ARK2C: variants seen among roughly 807,000 people sequenced by gnomAD.
ARK2C encodes the protein arkadia (RNF111) C-terminal like ring finger ubiquitin ligase 2C.
chr18:46,334,692 GTGTGT>G, the ARK2C span: 1 of 308,312 alleles, frequency 3.2e-6, no homozygotes, highest in African/African-American at 2.8e-5. This position sits in a 1 kb window ranked among gnomAD's most constrained non-coding sequence, Gnocchi z 4.4. Context: ...GTGTGTGTGT[GTGTGT>G]GTGTGTGTGT....
At chr18:46,435,029 C>T in the ARK2C span, among the ~76,000 whole-genome samples, 4 of 152,146 alleles carry the variant, frequency 2.6e-5, no homozygotes, top group Admixed American at 2.6e-4. Context: ...CTACCACAGA[C>T]ACACCAAGGG....
chr18:46,377,513 G>T, the ARK2C span, among the ~76,000 whole-genome samples: 3 of 152,190 alleles, frequency 2.0e-5, no homozygotes, highest in Non-Finnish European at 4.4e-5. Context: ...GATTTTCCTG[G>T]AGGAAGCAGT....
At chr18:46,373,983 T>A in the ARK2C span, among the ~76,000 whole-genome samples, 1 of 151,952 alleles carries the variant, frequency 6.6e-6, no homozygotes, top group East Asian at 1.9e-4. Flanking sequence ...GTGGTTCCCA[T>A]GGTAAACCCA....
chr18:46,407,885 C>T, the ARK2C span, among the ~76,000 whole-genome samples: 1 of 152,214 alleles, frequency 6.6e-6, no homozygotes, highest in African/African-American at 2.4e-5. Context: ...GAGAACCTGG[C>T]ATACTGAGAA....
the ARK2C span, chr18:46,458,253 C>G: frequency 6.6e-6 from 1 of 152,624 alleles, no homozygotes; most frequent in Non-Finnish European, 1.5e-5. Context: ...CCAAAGGGAG[C>G]AGAGAGATAA....
At chr18:46,447,519 T>A in the ARK2C span, 1 of 1,613,150 alleles carries the variant, frequency 6.2e-7, no homozygotes, top group South Asian at 1.1e-5. Flanking sequence ...CTAACCTGGC[T>A]AAATCACACC....
chr18:46,371,985 C>G, the ARK2C span, among the ~76,000 whole-genome samples: 2 of 152,240 alleles, frequency 1.3e-5, no homozygotes, highest in African/African-American at 4.8e-5. Flanking sequence ...GGTCCCATGT[C>G]ACTTCCGAGA....
chr18:46,350,463 G>A, the ARK2C span, among the ~76,000 whole-genome samples: 23 of 152,346 alleles, frequency 1.5e-4, no homozygotes, highest in Admixed American at 1.4e-3. Flanking sequence ...GAGCATGAGA[G>A]AAGGGAGCGC....
At chr18:46,405,757 TGTGAGCCATCCAGGCAAAGAATTTCTTA>T in the ARK2C span, among the ~76,000 whole-genome samples, 286 of 152,206 alleles carry the variant, frequency 1.9e-3, 1 homozygote, top group Non-Finnish European at 1.3e-4. Context: ...ATGATGTCTA[TGTGAGCCATCCAGGCAAAGAATTTCTTA>T]AGGTCTGGGG....
At chr18:46,349,353 G>C in the ARK2C span, among the ~76,000 whole-genome samples, 586 of 152,232 alleles carry the variant, frequency 3.8e-3, 6 homozygotes, top group African/African-American at 0.014. Flanking sequence ...CATGGCAGAT[G>C]GTGAGAGGGA....
At chr18:46,347,175 G>C in the ARK2C span, among the ~76,000 whole-genome samples, 1 of 152,202 alleles carries the variant, frequency 6.6e-6, no homozygotes, top group Non-Finnish European at 1.5e-5. Flanking sequence ...GGGAGTGATC[G>C]GGTCAGCCCT....
the ARK2C span, chr18:46,456,639 G>T: frequency 6.2e-7 from 1 of 1,602,230 alleles, no homozygotes; most frequent in Non-Finnish European, 8.6e-7. Flanking sequence ...ACAGCTGAGG[G>T]AGGAATTAGC....
chr18:46,347,120 T>A, the ARK2C span, among the ~76,000 whole-genome samples: 1 of 152,184 alleles, frequency 6.6e-6, no homozygotes, highest in African/African-American at 2.4e-5. Context: ...GAGGCAGGAC[T>A]GGAGCTGTTC....
the ARK2C span, among the ~76,000 whole-genome samples, chr18:46,425,304 G>T: frequency 6.6e-6 from 1 of 152,324 alleles, no homozygotes; most frequent in African/African-American, 2.4e-5. Flanking sequence ...GCTGGCTCTG[G>T]TCAGCTGGCA....
At chr18:46,347,053 G>T in the ARK2C span, among the ~76,000 whole-genome samples, 1 of 152,150 alleles carries the variant, frequency 6.6e-6, no homozygotes, top group Non-Finnish European at 1.5e-5. Flanking sequence ...ATATCTTAGC[G>T]CACGGGATGG....
chr18:46,361,837 C>T, the ARK2C span, among the ~76,000 whole-genome samples: 1 of 152,366 alleles, frequency 6.6e-6, no homozygotes, highest in African/African-American at 2.4e-5. Flanking sequence ...ACCTTAGCTT[C>T]CTGCACTAGC....
At chr18:46,411,746 C>T in the ARK2C span, among the ~76,000 whole-genome samples, 1 of 152,336 alleles carries the variant, frequency 6.6e-6, no homozygotes, top group African/African-American at 2.4e-5. Flanking sequence ...ATACTTGGGG[C>T]TGCTCACCCA....
chr18:46,416,610 C>G, the ARK2C span, among the ~76,000 whole-genome samples: 1 of 152,238 alleles, frequency 6.6e-6, no homozygotes, highest in East Asian at 1.9e-4. Context: ...AAAACAACAA[C>G]CTTTTATGCA....
At chr18:46,420,051 C>G in the ARK2C span, among the ~76,000 whole-genome samples, 1 of 152,114 alleles carries the variant, frequency 6.6e-6, no homozygotes, top group African/African-American at 2.4e-5. Flanking sequence ...ACCCTGGCTC[C>G]CTCTGAAAGC....
Sources: gnomAD v4.1 joint callset for allele counts (sites outside exome capture counted in the v4.1 genomes callset) on GRCh38, gnomAD v4.1.1 for gene constraint, Gnocchi (gnomAD v3.1) non-coding constraint, MANE v1.5 for transcripts, NCBI Gene and HGNC (gene_info 2026-07-23, HGNC 2026-07-21) for gene names.